The following IKZF3 variants were observed in gnomAD, a reference collection of about 807,000 sequenced individuals.
The protein encoded by IKZF3 is IKAROS family zinc finger 3.
In IKZF3, 10 loss-of-function variants were observed where a neutral mutation model predicts 49.0. The ratio of observed to expected loss-of-function variants is 0.20; its 90% CI spans 0.13 to 0.35. The LOEUF (loss-of-function observed/expected upper bound fraction) is 0.35, where lower values mean the gene tolerates loss of function less well. Among genes scored for constraint, IKZF3 ranks in the 10% least tolerant of loss-of-function variants. The pLI, the probability that IKZF3 is intolerant of heterozygous loss-of-function variation, is 1.00. For missense variants in IKZF3, 498 were observed against 664.8 expected (o/e 0.75, Z 2.76); for synonymous variants, 209 against 228.2 (o/e 0.92, Z 0.76).
At chr17:39,807,239 A>G (rs1568003450) in intron 3 of IKZF3, among the ~76,000 whole-genome samples, 1 of 152,274 alleles carries the variant, frequency 6.6e-6, no homozygotes, top group Non-Finnish European at 1.5e-5. Flanking sequence ...AATTTACCAT[A>G]CAAGCCAACA....
At chr17:39,792,989 C>T (rs2061067793) in intron 3 of IKZF3, 56 bp from the exon 4 acceptor site, 1 of 1,549,772 alleles carries the variant, frequency 6.5e-7, no homozygotes, top group African/African-American at 1.4e-5. Flanking sequence ...GCTATCAAAG[C>T]AGCTCAAACA....
In IKZF3 at chr17:39,788,299, C is replaced by CTCTGAAGGA; in HGVS notation, c.667_668insTCCTTCAGA (p.Arg223delinsLeuLeuGlnSer). On this transcript the variant is annotated protein_altering_variant, in exon 6 of 8. Coordinates refer to ENST00000346872, the MANE Select transcript of IKZF3 (RefSeq NM_012481.5). ...AGTGCTCTGAAGAAATGTACGGCAG[C>CTCTGAAGGA]GCTCCTTGTGCTCCTCAAGGGAACT... The CTCTGAAGGA allele has an allele frequency of 6.2e-7, 1 of 1,613,800 alleles. No individual in the cohort carries two copies. The highest frequency in any genetic ancestry group is 1.1e-5 in the South Asian group (1 of 91,064).
At chr17:39,807,699 G>T (rs1444724836) in intron 3 of IKZF3, among the ~76,000 whole-genome samples, 1 of 151,596 alleles carries the variant, frequency 6.6e-6, no homozygotes, top group Non-Finnish European at 1.5e-5. Flanking sequence ...TAAGAAAAAA[G>T]AAATAAAAGA....
rs1287727066 is a variant in IKZF3, at chr17:39,847,987, AACTG to A, written c.8-15840_8-15837del. On this transcript the variant is annotated intron_variant, in intron 1 of 7. Transcript: ENST00000346872. ...AGATCCAATTAATTTCAAACACCCT[AACTG>A]ACTGTGCATTATTGCTGATTGAGGG... Among the ~76,000 whole-genome samples the A allele has an allele frequency of 2.6e-5, 4 of 152,302 alleles. No homozygotes were observed. The East Asian group carries it at 7.7e-4, about 29-fold the overall frequency.
chr17:39,860,388 C>T (rs894536149), intron 1 of IKZF3, among the ~76,000 whole-genome samples: 3 of 152,026 alleles, frequency 2.0e-5, no homozygotes, highest in East Asian at 1.9e-4. Flanking sequence ...CACTTGAAAG[C>T]GTATGCTATT....
chr17:39,781,864 C>A (rs1254141597), intron 6 of IKZF3, among the ~76,000 whole-genome samples: 5 of 152,170 alleles, frequency 3.3e-5, no homozygotes, highest in Admixed American at 2.6e-4. Flanking sequence ...TGACCAAATG[C>A]CTGACATTTA....
At chr17:39,825,270 A>G (rs2144244625) in intron 3 of IKZF3, among the ~76,000 whole-genome samples, 1 of 152,332 alleles carries the variant, frequency 6.6e-6, no homozygotes, top group South Asian at 2.1e-4. Context: ...ATGATATGGT[A>G]AAGTCAGTGT....
rs551965587 is a variant in IKZF3 at position 39,772,392 on chromosome 17, A to G, written c.826+5259T>C. Among the ~76,000 whole-genome samples, 10 of 152,362 alleles carry G rather than the reference A, an allele frequency of 6.6e-5. No individual in the cohort carries two copies. The South Asian group carries it at 2.1e-3, about 32-fold the overall frequency. On this transcript the variant is annotated intron_variant, in intron 7 of 7. Transcript: ENST00000346872. ...AGTCTTAAAGTTCTTCAAGTCACTT[A>G]AATGTGTTTGCTGCTGCGTCATATA... is the stretch of plus-strand genomic sequence containing the variant.
chr17:39,794,934 A>T (rs1598029570), intron 3 of IKZF3, among the ~76,000 whole-genome samples: 1 of 152,210 alleles, frequency 6.6e-6, no homozygotes, highest in South Asian at 2.1e-4. Context: ...AAAGAACCTC[A>T]ACGGAAAATT....
At chr17:39,827,721 A>C (rs893982913) in intron 3 of IKZF3, among the ~76,000 whole-genome samples, 1 of 152,244 alleles carries the variant, frequency 6.6e-6, no homozygotes, top group Admixed American at 6.5e-5. Context: ...ATATTGCACC[A>C]ATTTGAATGG....
chr17:39,836,627 CA>C (rs2062291960), intron 1 of IKZF3, among the ~76,000 whole-genome samples: 1 of 152,122 alleles, frequency 6.6e-6, no homozygotes, highest in Non-Finnish European at 1.5e-5. Flanking sequence ...TTAAAATCTC[CA>C]AATATGACTG....
At chr17:39,777,837 C>T (rs1474380170) in intron 6 of IKZF3, 70 bp from the exon 7 acceptor site, 3 of 1,576,018 alleles carry the variant, frequency 1.9e-6, no homozygotes, top group Non-Finnish European at 1.7e-6. Flanking sequence ...AGGAAATAAA[C>T]TGGAAGGAGA....
In IKZF3 at chr17:39,864,241, C is replaced by T; in HGVS notation, c.-115G>A. 6 of 1,264,050 alleles carry T rather than the reference C, an allele frequency of 4.7e-6. No individual in the cohort carries two copies. The South Asian group carries it at 7.0e-5, about 15-fold the overall frequency. 78.3% of individuals were successfully genotyped at this position (1,264,050 alleles called of 1,614,324 possible). ...CGGGAGATTCCCGGCGCGGGGAGTC[C>T]CCGGGATCCGGCAGCCGCGTCGGCG... On this transcript the variant is annotated 5_prime_UTR_variant, in exon 1 of 8. Transcript: ENST00000346872.
intron 7 of IKZF3, among the ~76,000 whole-genome samples, chr17:39,771,256 T>C (rs2060433892): frequency 6.6e-6 from 1 of 152,218 alleles, no homozygotes; most frequent in Non-Finnish European, 1.5e-5. Flanking sequence ...CAGCAACTGC[T>C]TTTTCCACAT....
At chr17:39,816,164 CACA>C (rs1488883960) in intron 3 of IKZF3, among the ~76,000 whole-genome samples, 1 of 152,104 alleles carries the variant, frequency 6.6e-6, no homozygotes, top group Non-Finnish European at 1.5e-5. Context: ...TAAATGGTAA[CACA>C]ACATTTAGTC....
Position 39,832,149 on chromosome 17 carries a change from T to C in IKZF3, c.10A>G (p.Ile4Val). Residue 4 changes from isoleucine to valine, a missense_variant and splice_region_variant, in exon 2 of 8, where the codon ATA becomes GTA. Ile to Val is a conservative substitution (Grantham distance 29, BLOSUM62 3). Coordinates refer to ENST00000346872, the MANE Select transcript of IKZF3 (RefSeq NM_012481.5). ...CTTTTCAGTTCCGCATTTGTTTGTA[T>C]ATCTGAAAAGAAAGAGGTTATAAAT... MED[I>V]QTNAELKSTQ... 6.2e-7 allele frequency: 1 copy of C among 1,611,242 alleles called. No homozygotes were observed. The highest frequency in any genetic ancestry group is 8.5e-7 in the Non-Finnish European group (1 of 1,177,612).
intron 1 of IKZF3, among the ~76,000 whole-genome samples, chr17:39,847,579 T>C (rs2062672155): frequency 1.3e-5 from 2 of 152,206 alleles, no homozygotes; most frequent in African/African-American, 4.8e-5. Flanking sequence ...GCTCAGATGT[T>C]ACCACCCAGT....
chr17:39,809,610 T>C (rs2061505627), intron 3 of IKZF3, among the ~76,000 whole-genome samples: 1 of 152,258 alleles, frequency 6.6e-6, no homozygotes, highest in Non-Finnish European at 1.5e-5. Flanking sequence ...GCTAGACTGC[T>C]GATTAGATCC....
intron 1 of IKZF3, among the ~76,000 whole-genome samples, chr17:39,855,943 GTAT>G (rs1260394152): frequency 1.3e-5 from 2 of 150,770 alleles, no homozygotes; most frequent in South Asian, 2.1e-4. Flanking sequence ...GATGTAACAT[GTAT>G]TATAATATAC....
Sources: allele counts gnomAD v4.1 joint callset (sites outside exome capture counted in the v4.1 genomes callset), GRCh38; gene constraint gnomAD v4.1.1; transcripts MANE v1.5; gene names NCBI Gene and HGNC (gene_info 2026-07-23, HGNC 2026-07-21).